The following REC114 variants were observed in gnomAD, a reference collection of about 807,000 sequenced individuals.
The protein encoded by REC114 is meiotic recombination protein REC114.
A neutral mutation model predicts 31.3 loss-of-function variants in REC114; 27 were observed. The observed-to-expected ratio is 0.86, with a 90% CI of 0.64 to 1.19. The LOEUF is 1.19. Ranked by LOEUF, REC114 falls within the 50% of genes most tolerant of loss-of-function variation. The pLI is 0.00. For synonymous variants in REC114, 134 were observed against 127.7 expected, an observed-to-expected ratio of 1.05 and a Z score of -0.33; for missense variants, 344 against 326.9, an observed-to-expected ratio of 1.05 and a Z score of -0.40.
intron 2 of REC114, among the ~76,000 whole-genome samples, chr15:73,481,472 A>G (rs1893292274): frequency 6.6e-6 from 1 of 152,046 alleles, no homozygotes; most frequent in Non-Finnish European, 1.5e-5. Context: ...TAATATAGCA[A>G]GAAGGCTGAG....
At chr15:73,503,485 AAATT>A (rs1893630139) in intron 2 of REC114, among the ~76,000 whole-genome samples, 1 of 152,222 alleles carries the variant, frequency 6.6e-6, no homozygotes, top group Non-Finnish European at 1.5e-5. Context: ...ATTTGCTTCA[AAATT>A]ATCTGGCAGT....
At chr15:73,486,538 C>T (rs531693605) in intron 2 of REC114, among the ~76,000 whole-genome samples, 115 of 152,242 alleles carry the variant, frequency 7.6e-4, no homozygotes, top group African/African-American at 2.7e-3. Flanking sequence ...GTTCTTAGTC[C>T]ATTTGTACTG....
chr15:73,540,286 C>T (rs1325150733), intron 2 of REC114, among the ~76,000 whole-genome samples, 199 bp from the exon 3 acceptor site: 1 of 152,136 alleles, frequency 6.6e-6, no homozygotes, highest in Non-Finnish European at 1.5e-5. Flanking sequence ...GTCTTACGTT[C>T]CTCATGCAGG....
At chr15:73,457,323 T>G (rs1454046253) in intron 1 of REC114, among the ~76,000 whole-genome samples, 1 of 152,172 alleles carries the variant, frequency 6.6e-6, no homozygotes, top group Non-Finnish European at 1.5e-5. Context: ...TTCCCCACCC[T>G]CTGGCAGTTT....
At chr15:73,508,261 T>C (rs1893710198) in intron 2 of REC114, among the ~76,000 whole-genome samples, 1 of 152,148 alleles carries the variant, frequency 6.6e-6, no homozygotes, top group South Asian at 2.1e-4. Context: ...TTTTGGTTTA[T>C]TTAATAAGGG....
intron 2 of REC114, among the ~76,000 whole-genome samples, chr15:73,515,049 C>A (rs1038985158): frequency 6.6e-6 from 1 of 151,792 alleles, no homozygotes; most frequent in Non-Finnish European, 1.5e-5. Flanking sequence ...AAGTGATCCT[C>A]CTGCCTCACC....
intron 2 of REC114, among the ~76,000 whole-genome samples, chr15:73,535,548 A>T (rs1372531537): frequency 6.7e-6 from 1 of 149,840 alleles, no homozygotes; most frequent in East Asian, 2.0e-4. Flanking sequence ...ATGGAAGAAC[A>T]TTCCATGCTC....
At chr15:73,524,155 T>C (rs1893975831) in intron 2 of REC114, among the ~76,000 whole-genome samples, 1 of 152,184 alleles carries the variant, frequency 6.6e-6, no homozygotes, top group African/African-American at 2.4e-5. Context: ...AGACATCAGT[T>C]TGAAAACAAC....
chr15:73,514,218 C>A (rs562649424), intron 2 of REC114, among the ~76,000 whole-genome samples: 2 of 151,178 alleles, frequency 1.3e-5, no homozygotes, highest in Admixed American at 6.6e-5. Context: ...CAGGTGCGTC[C>A]GTCACCCCTT....
intron 3 of REC114, among the ~76,000 whole-genome samples, chr15:73,544,428 T>C (rs1894281808): frequency 6.6e-6 from 1 of 152,236 alleles, no homozygotes; most frequent in African/African-American, 2.4e-5. Context: ...TTTATAGCAA[T>C]TTAATATAAA....
chr15:73,534,750 C>T (rs1566946988), intron 2 of REC114, among the ~76,000 whole-genome samples: 1 of 152,008 alleles, frequency 6.6e-6, no homozygotes, highest in Non-Finnish European at 1.5e-5. Flanking sequence ...AGACCAATAT[C>T]TTTGATGAAC....
At chr15:73,539,329 C>T (rs1032457568) in intron 2 of REC114, among the ~76,000 whole-genome samples, 6 of 115,128 alleles carry the variant, frequency 5.2e-5, no homozygotes, top group Admixed American at 1.2e-4. Context: ...CTCACTCTGT[C>T]CCCCAGACTG....
At chr15:73,529,038 G>A (rs1734428522) in intron 2 of REC114, among the ~76,000 whole-genome samples, 2 of 152,080 alleles carry the variant, frequency 1.3e-5, no homozygotes, top group African/African-American at 2.4e-5. Context: ...AAAGATACTT[G>A]ATGATATTAC....
At position 73,483,626 on chromosome 15, in the gene REC114, A is replaced by C. The variant is rs1471630960; in HGVS notation, c.249+9705A>C. On this transcript the variant is annotated intron_variant, in intron 2 of 5. Coordinates refer to ENST00000331090, the MANE Select transcript of REC114 (RefSeq NM_001042367.2). ...GGTTTGCCACGACTTTGTTCATCAG[A>C]TGTTCTTACTTGATATTTAGCTTCT... 2.0e-5 allele frequency: 3 copies of C among 152,382 alleles called. No homozygotes were observed. The East Asian group carries it at 5.8e-4, about 29-fold the overall frequency. The allele number at this position is 152,382 out of a possible 1,614,324, so 9.4% of individuals were successfully genotyped here.
At chr15:73,444,692 G>A (rs917180625) in intron 1 of REC114, among the ~76,000 whole-genome samples, 22 of 152,030 alleles carry the variant, frequency 1.4e-4, no homozygotes, top group Non-Finnish European at 1.6e-4. Context: ...GTTGACCTCC[G>A]TCCATGAATC....
intron 4 of REC114, among the ~76,000 whole-genome samples, chr15:73,555,338 C>A (rs1894449625): frequency 6.6e-6 from 1 of 152,096 alleles, no homozygotes; most frequent in African/African-American, 2.4e-5. Context: ...CTCAGGTACC[C>A]AAGGCATATT....
At chr15:73,558,500 AAC>A (rs1894510197) in intron 5 of REC114, among the ~76,000 whole-genome samples, 2 of 152,246 alleles carry the variant, frequency 1.3e-5, no homozygotes, top group African/African-American at 4.8e-5. Context: ...CTGGTTTTAA[AAC>A]ACTGCAGGTT....
intron 4 of REC114, among the ~76,000 whole-genome samples, chr15:73,554,566 T>A (rs1894436742): frequency 6.6e-6 from 1 of 152,206 alleles, no homozygotes; most frequent in Non-Finnish European, 1.5e-5. Context: ...ACCAGGCATT[T>A]CTCAACCTTA....
intron 1 of REC114, among the ~76,000 whole-genome samples, chr15:73,462,614 G>A (rs1300444523): frequency 1.3e-5 from 2 of 152,076 alleles, no homozygotes; most frequent in Non-Finnish European, 2.9e-5. Flanking sequence ...GGCCAGGTGC[G>A]GTGGCTCACG....
Sources: allele counts gnomAD v4.1 joint callset (sites outside exome capture counted in the v4.1 genomes callset), GRCh38; gene constraint gnomAD v4.1.1; transcripts MANE v1.5; gene names NCBI Gene and HGNC (gene_info 2026-07-23, HGNC 2026-07-21).